Variants in MYCBP2 observed in about 807,000 individuals in gnomAD.
MYCBP2 encodes E3 ubiquitin-protein ligase MYCBP2.
In MYCBP2, 120 loss-of-function variants were observed where a neutral mutation model predicts 525.3. The ratio of observed to expected loss-of-function variants is 0.23; its 90% CI spans 0.20 to 0.27. The LOEUF is 0.27. Among genes scored for constraint, MYCBP2 ranks in the 10% least tolerant of loss-of-function variants. The pLI is 1.00. For synonymous variants in MYCBP2, 1,894 were observed against 1,955.8 expected, an observed-to-expected ratio of 0.97 and a Z score of 0.83; for missense variants, 4,149 against 5,657.1, an observed-to-expected ratio of 0.73 and a Z score of 8.55.
chr13:77,326,692 GA>G lies in MYCBP2; in HGVS notation c.83del (p.Phe28SerfsTer79). On this transcript the variant is annotated frameshift_variant, in exon 1 of 83. Coordinates refer to ENST00000544440, the MANE Select transcript of MYCBP2 (RefSeq NM_015057.5). LOFTEE classifies it high-confidence loss of function. This position sits in a 1 kb window ranked among gnomAD's most constrained non-coding sequence, Gnocchi z 4.2. ...GGDGFYPAAT[F>X]SSSPAPGALF... ...GCGCCCCCGGCGCCGGGGAGGAAGA[GA>G]AGGTGGCGGCTGGGTAGAATCCGTC... 6.9e-7 allele frequency: 1 copy of G among 1,445,546 alleles called. No individual in the cohort carries two copies. The allele number at this position is 1,445,546 out of a possible 1,614,324, so 89.5% of individuals were successfully genotyped here.
At chr13:77,068,446 A>G in intron 70 of MYCBP2, 119 bp downstream of exon 70, 1 of 1,272,540 alleles carries the variant, frequency 7.9e-7, no homozygotes. Context: ...AACAAAATAT[A>G]ACAAAATACG....
intron 43 of MYCBP2, among the ~76,000 whole-genome samples, chr13:77,164,174 T>A (rs1295605917): frequency 6.6e-6 from 1 of 152,180 alleles, no homozygotes; most frequent in Admixed American, 6.5e-5. Flanking sequence ...TAATACTATA[T>A]ATTCAGTGCT....
Position 77,168,320 on chromosome 13 carries a change from T to C in MYCBP2, c.6114+108A>G, listed in dbSNP as rs538803565. On this transcript the variant is annotated intron_variant, in intron 40 of 82. Transcript: ENST00000544440. ...CTGCTGATTCTCTATATGTAAATAC[T>C]ATAAAAGAAAATACACTTGTAAATA... The C allele has an allele frequency of 4.6e-4, 396 of 855,832 alleles. 1 individual carries two copies. Among genetic ancestry groups the C allele is most frequent in the Non-Finnish European group, 6.4e-4 (353 of 548,138 alleles). The allele number at this position is 855,832 out of a possible 1,614,324, so 53.0% of individuals were successfully genotyped here. A position where few individuals can be genotyped will look rare whatever the true frequency, so the allele number is the denominator to read the frequency against.
chr13:77,325,482 C>CA (rs1294718573), intron 1 of MYCBP2, among the ~76,000 whole-genome samples: 12 of 151,378 alleles, frequency 7.9e-5, no homozygotes, highest in South Asian at 2.1e-4. Flanking sequence ...GAGCCCTCAG[C>CA]AAAAAAAAGC....
At chr13:77,125,197 A>G in intron 54 of MYCBP2, 139 bp downstream of exon 54, 1 of 1,062,364 alleles carries the variant, frequency 9.4e-7, no homozygotes, top group Non-Finnish European at 1.4e-6. Flanking sequence ...TAACAGTTGC[A>G]AGATTTTTTA....
At chr13:77,055,825 A>C in intron 79 of MYCBP2, 58 bp from the exon 80 acceptor site, 1 of 1,236,686 alleles carries the variant, frequency 8.1e-7, no homozygotes, top group Non-Finnish European at 1.2e-6. Context: ...CTCAACAAAC[A>C]CTTAGCATGC....
chr13:77,089,064 T>C (rs1452654299), intron 60 of MYCBP2, 33 bp from the exon 61 acceptor site: 1 of 1,488,042 alleles, frequency 6.7e-7, no homozygotes, highest in East Asian at 2.4e-5. Flanking sequence ...TTAATTTTCA[T>C]AGGCAGTGCA....
rs397851660 is a variant in MYCBP2, at chr13:77,276,816, G to GTTTTTTTTTTTTTTTTTTTT, written c.748+1922_748+1941dup. ...TGAGTAGCACTCATTTCCATGCCCA[G>GTTTTTTTTTTTTTTTTTTTT]TTTTTTTTTTTTTTTTTTTTTTTGG... On this transcript the variant is annotated intron_variant, in intron 4 of 82. Coordinates refer to ENST00000544440, the MANE Select transcript of MYCBP2 (RefSeq NM_015057.5). Among the ~76,000 whole-genome samples, 16 of 76,222 alleles carry GTTTTTTTTTTTTTTTTTTTT rather than the reference G, an allele frequency of 2.1e-4. 1 individual carries two copies. Among genetic ancestry groups the GTTTTTTTTTTTTTTTTTTTT allele is most frequent in the Admixed American group, 1.1e-3 (6 of 5,570 alleles). 50.0% of individuals were successfully genotyped at this position (76,222 alleles called of 152,430 possible).
At position 77,257,668 on chromosome 13, in the gene MYCBP2, T is replaced by C. The variant is rs2072488863; in HGVS notation, c.2176+3A>G. The C allele has an allele frequency of 1.3e-6, 2 of 1,556,340 alleles. No homozygotes were observed. Among genetic ancestry groups the C allele is most frequent in the East Asian group, 4.6e-5 (2 of 43,114 alleles). On this transcript the variant is annotated splice_donor_region_variant and intron_variant, in intron 14 of 82. Coordinates refer to ENST00000544440, the MANE Select transcript of MYCBP2 (RefSeq NM_015057.5). ...TTTTAATATCTAAGAATTAAAGACC[T>C]ACCTTTCCCACCTTGGTTCATGGCA...
At chr13:77,268,563 T>C (rs924707245) in intron 7 of MYCBP2, among the ~76,000 whole-genome samples, 7 of 152,158 alleles carry the variant, frequency 4.6e-5, no homozygotes, top group Non-Finnish European at 1.0e-4. Context: ...GTGGATCACC[T>C]GGGATTAAGA....
chr13:77,147,026 T>G lies in MYCBP2; in HGVS notation c.7132-809A>C, dbSNP rs189560557. 2.4e-3 allele frequency among the ~76,000 whole-genome samples: 369 copies of G among 152,280 alleles called. 5 individuals are homozygous for G. Among genetic ancestry groups the G allele is most frequent in the African/African-American group, 8.6e-3 (359 of 41,572 alleles). On this transcript the variant is annotated intron_variant, in intron 47 of 82. Coordinates refer to ENST00000544440, the MANE Select transcript of MYCBP2 (RefSeq NM_015057.5). ...ATTATGGAATAGATCCCCAATGGAA[T>G]GCTTTAAAGCAGTTAAAATGAATGA... is the stretch of plus-strand genomic sequence containing the variant.
intron 4 of MYCBP2, among the ~76,000 whole-genome samples, chr13:77,274,719 A>C (rs1481752186): frequency 6.6e-6 from 1 of 152,106 alleles, no homozygotes; most frequent in African/African-American, 2.4e-5. Flanking sequence ...TGCTATCATC[A>C]TCTCTTTGAT....
At chr13:77,091,033 C>T (rs541271152) in intron 59 of MYCBP2, among the ~76,000 whole-genome samples, 42 of 152,214 alleles carry the variant, frequency 2.8e-4, no homozygotes, top group African/African-American at 7.2e-4. Flanking sequence ...TTTTCTGTCA[C>T]CTGAATTCAA....
chr13:77,271,712 C>T (rs2074923104), intron 5 of MYCBP2, among the ~76,000 whole-genome samples: 1 of 152,216 alleles, frequency 6.6e-6, no homozygotes, highest in African/African-American at 2.4e-5. Flanking sequence ...CTCCTCCTTG[C>T]CTTCCACCAT....
intron 46 of MYCBP2, among the ~76,000 whole-genome samples, chr13:77,154,093 TA>T (rs1387525838): frequency 6.6e-6 from 1 of 152,202 alleles, no homozygotes; most frequent in East Asian, 1.9e-4. Context: ...ATGAACAGTC[TA>T]AAGTGCTCCT....
chr13:77,243,781 G>A (rs1036225803), intron 16 of MYCBP2, 25 bp downstream of exon 16: 2 of 1,608,042 alleles, frequency 1.2e-6, no homozygotes, highest in Non-Finnish European at 1.7e-6. Context: ...ACTCAGTGTA[G>A]CATAGTATAA....
chr13:77,075,099 T>C (rs1403318353), intron 68 of MYCBP2, among the ~76,000 whole-genome samples: 2 of 152,128 alleles, frequency 1.3e-5, no homozygotes, highest in Non-Finnish European at 2.9e-5. Flanking sequence ...TTCCAGCTAC[T>C]TGGGAGGCTG....
At chr13:77,133,005 C>T (rs1215233663) in intron 52 of MYCBP2, among the ~76,000 whole-genome samples, 3 of 152,128 alleles carry the variant, frequency 2.0e-5, no homozygotes, top group Non-Finnish European at 4.4e-5. Flanking sequence ...CATCCTCATT[C>T]AACCATTAAG....
intron 44 of MYCBP2, among the ~76,000 whole-genome samples, chr13:77,161,576 C>T (rs113902194): frequency 8.9e-4 from 135 of 151,972 alleles, no homozygotes; most frequent in African/African-American, 2.9e-3. Context: ...CTCTAGCAGG[C>T]AAAAAAAGAA....
Sources: gnomAD v4.1 joint callset for allele counts (sites outside exome capture counted in the v4.1 genomes callset) on GRCh38, gnomAD v4.1.1 for gene constraint, Gnocchi (gnomAD v3.1) non-coding constraint, MANE v1.5 for transcripts, NCBI Gene and HGNC (gene_info 2026-07-23, HGNC 2026-07-21) for gene names.